The following DTNA variants were observed in gnomAD, a reference collection of about 807,000 sequenced individuals.
DTNA encodes the protein dystrophin-related protein 3.
Under a neutral mutation model 100.7 loss-of-function variants are expected in DTNA, and 43 were observed. That is an observed-to-expected ratio of 0.43 (90% CI 0.33 to 0.55). DTNA has a LOEUF of 0.55. Ranked by LOEUF, DTNA falls within the 20% of genes least tolerant of loss-of-function variation. The pLI is 0.04. For synonymous variants in DTNA, 349 were observed against 347.9 expected (o/e 1.00, Z -0.04); for missense variants, 798 against 953.9 (o/e 0.84, Z 2.15).
chr18:34,801,059 A>G (rs1401769289), intron 4 of DTNA, among the ~76,000 whole-genome samples: 1 of 152,164 alleles, frequency 6.6e-6, no homozygotes. Flanking sequence ...ACAAATCACT[A>G]TATATATTTT....
intron 13 of DTNA, 145 bp downstream of exon 13, chr18:34,838,982 G>A (rs773839553): frequency 3.6e-5 from 26 of 726,600 alleles, no homozygotes; most frequent in African/African-American, 7.0e-5. Flanking sequence ...GAAGTCTCTC[G>A]TGATGTTAGT....
chr18:34,709,624 C>T (rs181889882), upstream of DTNA: 93 of 152,278 alleles, frequency 6.1e-4, no homozygotes, highest in African/African-American at 2.0e-3. Flanking sequence ...ATATAGAGCC[C>T]TCCCCACCTC....
intron 1 of DTNA, among the ~76,000 whole-genome samples, chr18:34,697,799 C>T (rs986028578): frequency 6.6e-6 from 1 of 152,016 alleles, no homozygotes; most frequent in African/African-American, 2.4e-5. Flanking sequence ...TTGTGGCCTG[C>T]CCTTGAGGGA....
chr18:34,890,582 C>T lies in DTNA; in HGVS notation c.*2848C>T. ...CCTGTTAATAAGCACTGGTCTAACA[C>T]AGCCAACCCTCCTCCACAGCGCCAT... On this transcript the variant is annotated 3_prime_UTR_variant, in exon 23 of 23. Coordinates refer to ENST00000444659, the MANE Select transcript of DTNA (RefSeq NM_001386795.1). 2 of 1,254,448 alleles carry T rather than the reference C, an allele frequency of 1.6e-6. No individual in the cohort carries two copies. The highest frequency in any genetic ancestry group is 2.2e-6 in the Non-Finnish European group (2 of 923,930). 77.7% of individuals were successfully genotyped at this position (1,254,448 alleles called of 1,614,324 possible). A position where few individuals can be genotyped will look rare whatever the true frequency, so the allele number is the denominator to read the frequency against.
At chr18:34,644,009 C>T (rs1215503551) in intron 1 of DTNA, among the ~76,000 whole-genome samples, 1 of 152,050 alleles carries the variant, frequency 6.6e-6, no homozygotes, top group African/African-American at 2.4e-5. Context: ...TCTAAATTAT[C>T]TATCACTCTT....
At chr18:34,652,201 C>T (rs954289530) in intron 1 of DTNA, among the ~76,000 whole-genome samples, 9 of 101,798 alleles carry the variant, frequency 8.8e-5, no homozygotes, top group African/African-American at 3.1e-4. Flanking sequence ...AGACAGAGGG[C>T]GGGGGAGGGA....
intron 1 of DTNA, among the ~76,000 whole-genome samples, chr18:34,732,302 A>G (rs941846618): frequency 6.6e-6 from 1 of 152,218 alleles, no homozygotes; most frequent in African/African-American, 2.4e-5. Flanking sequence ...GAAGAGGACA[A>G]TGTGCTCTGT....
intron 1 of DTNA, among the ~76,000 whole-genome samples, chr18:34,700,273 C>T (rs956253048): frequency 7.2e-5 from 11 of 152,202 alleles, no homozygotes; most frequent in African/African-American, 2.4e-4. Flanking sequence ...CAGCCATCCA[C>T]TTGCTTGACC....
chr18:34,790,346 G>GTTGGAGTGCAGTGGCGCAATCTTGGC (rs1175146118), intron 3 of DTNA, among the ~76,000 whole-genome samples: 98 of 118,350 alleles, frequency 8.3e-4, no homozygotes, highest in African/African-American at 1.3e-3. Flanking sequence ...CATGCAAGGG[G>GTTGGAGTGCAGTGGCGCAATCTTGGC]TATAAAACCC....
chr18:34,634,796 T>C (rs1017428143), intron 1 of DTNA, among the ~76,000 whole-genome samples: 10 of 152,318 alleles, frequency 6.6e-5, no homozygotes, highest in African/African-American at 2.4e-4. Context: ...AGCTAACATA[T>C]GCACTACCTC....
intron 1 of DTNA, among the ~76,000 whole-genome samples, chr18:34,495,166 A>G (rs1404632940): frequency 6.6e-6 from 1 of 152,186 alleles, no homozygotes; most frequent in Admixed American, 6.5e-5. Flanking sequence ...AGTCTTCTAT[A>G]CTGACCACAT....
At chr18:34,569,815 A>G (rs549059430) in intron 1 of DTNA, among the ~76,000 whole-genome samples, 6 of 152,202 alleles carry the variant, frequency 3.9e-5, no homozygotes, top group African/African-American at 1.2e-4. Context: ...AGGCCCACTC[A>G]CATTATGGAG....
upstream of DTNA, chr18:34,709,483 C>T (rs949097208): frequency 6.6e-6 from 1 of 152,198 alleles, no homozygotes; most frequent in African/African-American, 2.4e-5. Flanking sequence ...GGGACTCCTT[C>T]AGCTTTTCCC....
At chr18:34,756,536 G>C (rs1166390644) in intron 2 of DTNA, among the ~76,000 whole-genome samples, 1 of 152,166 alleles carries the variant, frequency 6.6e-6, no homozygotes, top group Admixed American at 6.5e-5. Flanking sequence ...CTATAAACTT[G>C]TCATTCAGAC....
At chr18:34,640,199 T>C (rs1338136494) in intron 1 of DTNA, among the ~76,000 whole-genome samples, 2 of 152,150 alleles carry the variant, frequency 1.3e-5, no homozygotes, top group African/African-American at 4.8e-5. Context: ...AGCTTCCTAT[T>C]TGCACCTTGC....
At chr18:34,529,357 T>G (rs766628952) in intron 1 of DTNA, among the ~76,000 whole-genome samples, 5 of 152,114 alleles carry the variant, frequency 3.3e-5, no homozygotes, top group Non-Finnish European at 2.9e-5. Flanking sequence ...TAAACTAAAA[T>G]TTTAATAAAA....
chr18:34,785,433 G>C (rs1981400), intron 3 of DTNA, among the ~76,000 whole-genome samples: 148,630 of 152,306 alleles, frequency 0.98, 72,628 homozygotes, highest in East Asian at 1. Context: ...CTGAATATGA[G>C]AGTAAATTTT....
chr18:34,737,160 A>G (rs1225228565), intron 1 of DTNA, among the ~76,000 whole-genome samples: 2 of 152,232 alleles, frequency 1.3e-5, no homozygotes, highest in Non-Finnish European at 2.9e-5. Flanking sequence ...ACAGAACGGT[A>G]TATTTTATAC....
chr18:34,780,850 A>C (rs933296258), intron 3 of DTNA, among the ~76,000 whole-genome samples: 1 of 152,222 alleles, frequency 6.6e-6, no homozygotes. Flanking sequence ...AGGAATTTCC[A>C]AGAAACCTTG....
Sources: allele counts gnomAD v4.1 joint callset (sites outside exome capture counted in the v4.1 genomes callset), GRCh38; gene constraint gnomAD v4.1.1; transcripts MANE v1.5; gene names NCBI Gene and HGNC (gene_info 2026-07-23, HGNC 2026-07-21).